The following NRG3 variants were observed in gnomAD, a reference collection of about 807,000 sequenced individuals.
NRG3 encodes the protein neuregulin 3, also known as pro-neuregulin-3, membrane-bound isoform.
In NRG3, 31 loss-of-function variants were observed where a neutral mutation model predicts 66.9. The observed-to-expected ratio is 0.46, with a 90% CI of 0.35 to 0.63. NRG3 has a LOEUF of 0.63. Ranked by LOEUF, NRG3 falls within the 20% of genes least tolerant of loss-of-function variation. The probability of loss-of-function intolerance (pLI) is 0.00; values close to 1 mark genes in which losing one functional copy is unlikely to be tolerated. For synonymous variants in NRG3, 393 were observed against 359.4 expected (o/e 1.09, Z -1.06); for missense variants, 910 against 878.9 (o/e 1.04, Z -0.45).
At chr10:82,483,353 C>T (rs1842436955) in intron 2 of NRG3, among the ~76,000 whole-genome samples, 1 of 152,184 alleles carries the variant, frequency 6.6e-6, no homozygotes, top group South Asian at 2.1e-4. Context: ...TTAAAGGGTC[C>T]AGCAACTTCT....
At chr10:81,937,456 T>C (rs556623772) in intron 1 of NRG3, among the ~76,000 whole-genome samples, 1 of 152,092 alleles carries the variant, frequency 6.6e-6, no homozygotes, top group African/African-American at 2.4e-5. Flanking sequence ...TTTTTAATAA[T>C]GGCCATGATA....
intron 2 of NRG3, among the ~76,000 whole-genome samples, chr10:82,459,189 C>T (rs2091405580): frequency 6.6e-6 from 1 of 152,194 alleles, no homozygotes; most frequent in Non-Finnish European, 1.5e-5. Context: ...CCGTGAGCCA[C>T]ATCTTCCATC....
At chr10:82,507,081 T>C (rs1226631169) in intron 2 of NRG3, among the ~76,000 whole-genome samples, 1 of 152,206 alleles carries the variant, frequency 6.6e-6, no homozygotes, top group Non-Finnish European at 1.5e-5. Context: ...CCAGGCCTAT[T>C]AAGGACAAAG....
At chr10:81,942,103 G>A (rs1226973320) in intron 1 of NRG3, among the ~76,000 whole-genome samples, 1 of 152,046 alleles carries the variant, frequency 6.6e-6, no homozygotes, top group Non-Finnish European at 1.5e-5. Context: ...GGTAAAGGAA[G>A]ATTTATCTTT....
At chr10:82,827,839 T>C (rs1367435635) in intron 3 of NRG3, among the ~76,000 whole-genome samples, 2 of 152,256 alleles carry the variant, frequency 1.3e-5, no homozygotes, top group Non-Finnish European at 2.9e-5. Flanking sequence ...TTCCTTTTGT[T>C]GCGCTGAATT....
At chr10:82,050,762 C>T (rs1377350629) in intron 1 of NRG3, among the ~76,000 whole-genome samples, 2 of 112,738 alleles carry the variant, frequency 1.8e-5, no homozygotes, top group African/African-American at 5.4e-5. Context: ...GTTTCCTCCT[C>T]CCATCTCTAC....
chr10:82,358,898 GC>G lies in NRG3; in HGVS notation c.953+31del, dbSNP rs753679022. 3.1e-6 allele frequency: 5 copies of G among 1,613,776 alleles called. No homozygotes were observed. In the South Asian group the frequency reaches 5.5e-5, roughly 18 times the overall value. On this transcript the variant is annotated intron_variant, in intron 2 of 8. Coordinates refer to ENST00000372141, the MANE Select transcript of NRG3 (RefSeq NM_001010848.4). ...GCCACTGAGGCCACTGATGGAAAGGGCAGGCCCGTTGCAAGGCGTGGGGGTG... is the reference window on the plus strand; with the variant it reads ...GCCACTGAGGCCACTGATGGAAAGGGAGGCCCGTTGCAAGGCGTGGGGGTG...
intron 4 of NRG3, among the ~76,000 whole-genome samples, chr10:82,880,672 C>T (rs2136056102): frequency 6.6e-6 from 1 of 152,304 alleles, no homozygotes; most frequent in Admixed American, 6.5e-5. Flanking sequence ...ACTAGGCCCT[C>T]AGCTGTAGAA....
At chr10:82,313,365 T>A (rs1478058180) in intron 1 of NRG3, among the ~76,000 whole-genome samples, 2 of 147,902 alleles carry the variant, frequency 1.4e-5, no homozygotes, top group Non-Finnish European at 3.1e-5. Flanking sequence ...AAATAAAAAA[T>A]AAATAAATAA....
In NRG3 at chr10:82,491,808, TGG is replaced by T. The variant is rs145788760; in HGVS notation, c.953+132941_953+132942del. On this transcript the variant is annotated intron_variant, in intron 2 of 8. Transcript: ENST00000372141. ...ATCTGCCCTCTGGCATGTAAATAAG[TGG>T]ACAAATGTCTGCAAACTCATGAGAC... Among the ~76,000 whole-genome samples, 11 of 152,324 alleles carry T rather than the reference TGG, an allele frequency of 7.2e-5. No individual in the cohort carries two copies. In the East Asian group the frequency reaches 2.1e-3, roughly 29 times the overall value.
In NRG3 at chr10:82,132,494, T is replaced by TATATATATC. The variant is rs1554831212; in HGVS notation, c.824-226237_824-226236insCATATATAT. Among the ~76,000 whole-genome samples the TATATATATC allele has an allele frequency of 4.3e-4, 19 of 44,380 alleles. 1 individual carries two copies. The highest frequency in any genetic ancestry group is 1.4e-3 in the African/African-American group (13 of 9,120). The allele number at this position is 44,380 out of a possible 152,430, so 29.1% of individuals were successfully genotyped here. ...ATATATATATGATATATATATATGA[T>TATATATATC]ATATATATATCATATATATATGATA... On this transcript the variant is annotated intron_variant, in intron 1 of 8. Coordinates refer to ENST00000372141, the MANE Select transcript of NRG3 (RefSeq NM_001010848.4).
intron 1 of NRG3, among the ~76,000 whole-genome samples, chr10:81,892,107 A>G (rs1272436708): frequency 6.6e-6 from 1 of 152,200 alleles, no homozygotes; most frequent in African/African-American, 2.4e-5. Flanking sequence ...TCCTAAAGTC[A>G]GATGAACTTT....
chr10:82,202,651 G>A (rs1054334598), intron 1 of NRG3, among the ~76,000 whole-genome samples: 1 of 152,126 alleles, frequency 6.6e-6, no homozygotes, highest in East Asian at 1.9e-4. Context: ...TGCTCTGATT[G>A]AATCCACAAA....
rs563941844 is a variant in NRG3, at chr10:82,487,072, GTATA to G, written c.953+128209_953+128212del. Among the ~76,000 whole-genome samples, 25 of 148,028 alleles carry G rather than the reference GTATA, an allele frequency of 1.7e-4. No individual in the cohort carries two copies. In the South Asian group the frequency reaches 5.3e-3, roughly 31 times the overall value. ...TGGTTATTATATATGTATAATATATGTATATATAATACACTATATATATCTATTA... is the reference window on the plus strand; with the variant it reads ...TGGTTATTATATATGTATAATATATGTATAATACACTATATATATCTATTA... On this transcript the variant is annotated intron_variant, in intron 2 of 8. Transcript: ENST00000372141.
intron 1 of NRG3, among the ~76,000 whole-genome samples, chr10:82,084,210 A>G (rs776499764): frequency 1.4e-5 from 2 of 147,468 alleles, no homozygotes; most frequent in African/African-American, 2.5e-5. Context: ...CCAGGGTGAC[A>G]GAGCCAGACT....
intron 6 of NRG3, among the ~76,000 whole-genome samples, chr10:82,963,965 G>T (rs1850939023): frequency 6.6e-6 from 1 of 152,170 alleles, no homozygotes; most frequent in Admixed American, 6.5e-5. Context: ...GGAATTGTTT[G>T]CAGGGAGTAG....
intron 1 of NRG3, among the ~76,000 whole-genome samples, chr10:82,205,602 G>T (rs1376990625): frequency 6.6e-6 from 1 of 152,130 alleles, no homozygotes; most frequent in Non-Finnish European, 1.5e-5. Flanking sequence ...TATGTGAGAG[G>T]ACATGTGGAA....
intron 1 of NRG3, among the ~76,000 whole-genome samples, chr10:82,109,340 G>A (rs1289326707): frequency 6.6e-6 from 1 of 152,144 alleles, no homozygotes; most frequent in Non-Finnish European, 1.5e-5. Context: ...TTAAGTTCCA[G>A]ATTTTGCAAC....
At chr10:82,288,215 A>G (rs1198830112) in intron 1 of NRG3, among the ~76,000 whole-genome samples, 1 of 152,148 alleles carries the variant, frequency 6.6e-6, no homozygotes, top group Non-Finnish European at 1.5e-5. Context: ...AAATAATTTT[A>G]CTGTTTATTG....
Sources: gnomAD v4.1 joint callset for allele counts (sites outside exome capture counted in the v4.1 genomes callset) on GRCh38, gnomAD v4.1.1 for gene constraint, MANE v1.5 for transcripts, NCBI Gene and HGNC (gene_info 2026-07-23, HGNC 2026-07-21) for gene names.